Variants in SLC16A7 observed in about 807,000 individuals in gnomAD.
SLC16A7 encodes the protein monocarboxylate transporter 2.
Under a neutral mutation model 34.9 loss-of-function variants are expected in SLC16A7, and 33 were observed. That is an observed-to-expected ratio of 0.94 (90% confidence interval 0.72 to 1.26). SLC16A7 has a LOEUF of 1.26. Ranked by LOEUF, SLC16A7 falls within the 50% of genes most tolerant of loss-of-function variation. The pLI, the probability that SLC16A7 is intolerant of heterozygous loss-of-function variation, is 0.00. For synonymous variants in SLC16A7, 201 were observed against 206.6 expected, an observed-to-expected ratio of 0.97 and a Z score of 0.23; for missense variants, 573 against 578.1, an observed-to-expected ratio of 0.99 and a Z score of 0.09.
chr12:59,751,538 G>A (rs1186255609), intron 3 of SLC16A7, among the ~76,000 whole-genome samples: 1 of 152,232 alleles, frequency 6.6e-6, no homozygotes, highest in East Asian at 1.9e-4. Context: ...CAAGGCGGCA[G>A]CGAGGCTGGG....
chr12:59,705,457 A>G (rs1873455315), intron 3 of SLC16A7, among the ~76,000 whole-genome samples: 1 of 152,208 alleles, frequency 6.6e-6, no homozygotes, highest in Non-Finnish European at 1.5e-5. Flanking sequence ...TGCAAAAATG[A>G]AGGGTTAACA....
intron 1 of SLC16A7, among the ~76,000 whole-genome samples, chr12:59,654,745 G>A (rs1868449403): frequency 6.6e-6 from 1 of 151,574 alleles, no homozygotes; most frequent in Admixed American, 6.6e-5. Context: ...CAAAAATGGA[G>A]AGAAACATCA....
In SLC16A7 at chr12:59,699,639, A is replaced by G. The variant is rs542232589; in HGVS notation, c.-30-5133A>G. On this transcript the variant is annotated intron_variant, in intron 2 of 5. Transcript: ENST00000547379. ...CTGGAGACAGTCCAAATCTCTATAC[A>G]TAGTTATGGGTTACATATAGATATA... 5.9e-5 allele frequency among the ~76,000 whole-genome samples: 9 copies of G among 151,866 alleles called. No individual in the cohort carries two copies. The South Asian group carries it at 1.2e-3, about 21-fold the overall frequency.
At chr12:59,703,663 G>A (rs1305520728) in intron 2 of SLC16A7, among the ~76,000 whole-genome samples, 3 of 152,074 alleles carry the variant, frequency 2.0e-5, no homozygotes, top group African/African-American at 7.2e-5. Flanking sequence ...CCAGGATGGA[G>A]TGCAGTGGCT....
At chr12:59,777,900 G>A (rs1026311758) in intron 5 of SLC16A7, among the ~76,000 whole-genome samples, 1 of 147,870 alleles carries the variant, frequency 6.8e-6, no homozygotes, top group Admixed American at 7.1e-5. Context: ...AGAATATGCA[G>A]TGTTTGGTTT....
intron 2 of SLC16A7, among the ~76,000 whole-genome samples, chr12:59,675,814 T>G (rs1870263561): frequency 6.6e-6 from 1 of 152,144 alleles, no homozygotes; most frequent in South Asian, 2.1e-4. Context: ...GATGTCCTGA[T>G]GTTATTTAGC....
At chr12:59,750,028 C>A (rs997939273) in intron 3 of SLC16A7, among the ~76,000 whole-genome samples, 9 of 152,162 alleles carry the variant, frequency 5.9e-5, no homozygotes, top group African/African-American at 2.2e-4. Flanking sequence ...AAAACTGAAA[C>A]TGGACCTCTT....
At chr12:59,744,688 G>A (rs180907527) in intron 3 of SLC16A7, among the ~76,000 whole-genome samples, 6 of 152,244 alleles carry the variant, frequency 3.9e-5, no homozygotes, top group East Asian at 3.9e-4. Flanking sequence ...TACTTAAGCC[G>A]TCTGTGGACG....
intron 3 of SLC16A7, chr12:59,768,356 G>A (rs1376260137): frequency 3.1e-6 from 1 of 319,324 alleles, no homozygotes; most frequent in African/African-American, 2.2e-5. Context: ...GAAATAGCAA[G>A]AGAACTAGAA....
chr12:59,704,467 C>T (rs1034612282), intron 2 of SLC16A7, among the ~76,000 whole-genome samples: 1 of 151,994 alleles, frequency 6.6e-6, no homozygotes, highest in South Asian at 2.1e-4. Context: ...AGAGCTATGA[C>T]TGATGTATAA....
At chr12:59,711,164 CA>C (rs1565665268) in intron 3 of SLC16A7, among the ~76,000 whole-genome samples, 1 of 152,196 alleles carries the variant, frequency 6.6e-6, no homozygotes, top group Non-Finnish European at 1.5e-5. Context: ...CTAACATTGG[CA>C]GCCTGAGTGG....
At chr12:59,776,954 C>T (rs1882819020) in intron 5 of SLC16A7, among the ~76,000 whole-genome samples, 1 of 152,020 alleles carries the variant, frequency 6.6e-6, no homozygotes, top group African/African-American at 2.4e-5. Flanking sequence ...TTAGTTTGAT[C>T]AACTGAGTTT....
rs145738596 is a variant in SLC16A7 at position 59,651,801 on chromosome 12, G to A, written c.-129-3351G>A. On this transcript the variant is annotated intron_variant, in intron 1 of 5. Coordinates refer to ENST00000547379, the MANE Select transcript of SLC16A7 (RefSeq NM_001270623.2). ...TCACTCTAAGTTCTCCATTTATAGC[G>A]TTTGCTAGTTGTTTCCAAACAAACA... is the stretch of plus-strand genomic sequence containing the variant. Among the ~76,000 whole-genome samples the A allele has an allele frequency of 4.7e-3, 710 of 152,200 alleles. 8 individuals carry two copies. Among genetic ancestry groups the A allele is most frequent in the African/African-American group, 0.016 (685 of 41,544 alleles).
intron 3 of SLC16A7, among the ~76,000 whole-genome samples, chr12:59,740,126 A>G (rs1347256263): frequency 6.6e-6 from 1 of 151,552 alleles, no homozygotes; most frequent in East Asian, 1.9e-4. Context: ...GCCCATGCCT[A>G]TGTCCTGAAT....
intron 3 of SLC16A7, among the ~76,000 whole-genome samples, chr12:59,738,996 G>C (rs535092854): frequency 2.6e-4 from 39 of 148,602 alleles, no homozygotes; most frequent in African/African-American, 7.6e-4. Context: ...TTTCACTATG[G>C]AGCTGGGTGT....
chr12:59,699,140 T>A (rs1373898196), intron 2 of SLC16A7, among the ~76,000 whole-genome samples: 1 of 151,660 alleles, frequency 6.6e-6, no homozygotes, highest in African/African-American at 2.4e-5. Context: ...AGTATTTATA[T>A]CTTTGGCAAA....
At chr12:59,634,422 A>T (rs183648571) in intron 1 of SLC16A7, among the ~76,000 whole-genome samples, 162 of 152,182 alleles carry the variant, frequency 1.1e-3, no homozygotes, top group African/African-American at 3.4e-3. Context: ...ACTGCATGTT[A>T]TAGTTGGTGA....
At chr12:59,624,015 T>G (rs893032736) in intron 1 of SLC16A7, among the ~76,000 whole-genome samples, 1 of 151,230 alleles carries the variant, frequency 6.6e-6, no homozygotes, top group African/African-American at 2.4e-5. Context: ...ATTTATTTAT[T>G]TATTGTTTTT....
At chr12:59,724,144 G>C (rs1163844393) in intron 3 of SLC16A7, among the ~76,000 whole-genome samples, 1 of 152,076 alleles carries the variant, frequency 6.6e-6, no homozygotes, top group Non-Finnish European at 1.5e-5. Context: ...CCTGAAGGCT[G>C]TGCAAGTGCA....
Sources: allele counts gnomAD v4.1 joint callset (sites outside exome capture counted in the v4.1 genomes callset), GRCh38; gene constraint gnomAD v4.1.1; transcripts MANE v1.5; gene names NCBI Gene and HGNC (gene_info 2026-07-23, HGNC 2026-07-21).